Variants in SCN1A observed in about 807,000 individuals in gnomAD.
The protein encoded by SCN1A is sodium voltage-gated channel alpha subunit 1.
In SCN1A, 13 loss-of-function variants were observed where a neutral mutation model predicts 193.7. That is an observed-to-expected ratio of 0.07 (90% CI 0.04 to 0.11). The LOEUF (loss-of-function observed/expected upper bound fraction) is 0.11, where lower values mean the gene tolerates loss of function less well. Ranked by LOEUF, SCN1A falls within the 10% of genes least tolerant of loss-of-function variation. The pLI is 1.00. For synonymous variants in SCN1A, 781 were observed against 843.6 expected, an observed-to-expected ratio of 0.93 and a Z score of 1.29; for missense variants, 1,432 against 2,451.1, an observed-to-expected ratio of 0.58 and a Z score of 8.78.
rs1688718537 is a variant in SCN1A, at chr2:165,988,053, A to G, written c.*3192T>C. On this transcript the variant is annotated 3_prime_UTR_variant, in exon 29 of 29. Coordinates refer to ENST00000674923, the MANE Select transcript of SCN1A (RefSeq NM_001165963.4). The stretch of plus-strand genomic sequence containing the variant: ...CTGTCCCTTTTCTGGTTGAGGCTAT[A>G]TTCCCTCTTCTGGCTTCACCTGATG... 6.6e-6 allele frequency: 1 copy of G among 152,110 alleles called. No individual in the cohort carries two copies. 9.4% of individuals were successfully genotyped at this position (152,110 alleles called of 1,614,324 possible).
At chr2:166,060,222 A>T (rs952103143) in intron 4 of SCN1A, 17 of 152,206 alleles carry the variant, frequency 1.1e-4, no homozygotes, top group African/African-American at 3.9e-4. Flanking sequence ...AAGGAGTATG[A>T]GTCCAGAAAA....
chr2:166,023,034 A>G (rs1386390924), intron 19 of SCN1A, among the ~76,000 whole-genome samples: 1 of 152,236 alleles, frequency 6.6e-6, no homozygotes, highest in Non-Finnish European at 1.5e-5. Flanking sequence ...ACTAGGATGC[A>G]AAATTCTCAA....
At chr2:166,071,273 T>C (rs1208981749) in intron 4 of SCN1A, among the ~76,000 whole-genome samples, 1 of 152,188 alleles carries the variant, frequency 6.6e-6, no homozygotes, top group Non-Finnish European at 1.5e-5. Flanking sequence ...GCTTTTCAGA[T>C]ACATTAATTT....
Position 166,012,111 on chromosome 2 carries a change from C to T in SCN1A, c.3877G>A (p.Asp1293Asn). Residue 1293 changes from aspartate (D) to asparagine (N), a missense_variant and splice_region_variant, in exon 22 of 29, where the codon GAT (aspartate) becomes AAT (asparagine). Transcript: ENST00000674923. ...ACAAAAATATGAACGATACCTACAT[C>T]AACAATTAAGAAGTCCAGCCAACAC... ...AWCWLDFLIV[D>N]VSLVSLTANA... The T allele has an allele frequency of 6.2e-7, 1 of 1,609,426 alleles. No homozygotes were observed. Among genetic ancestry groups the T allele is most frequent in the Non-Finnish European group, 8.5e-7 (1 of 1,176,662 alleles).
At chr2:166,000,138 A>C (rs1379485862) in intron 24 of SCN1A, 2 of 272,708 alleles carry the variant, frequency 7.3e-6, no homozygotes, top group Non-Finnish European at 1.4e-5. Flanking sequence ...TCAGCCAAAT[A>C]ATTACAACTT....
At chr2:166,133,157 C>T (rs1040229667) in intron 1 of SCN1A, among the ~76,000 whole-genome samples, 1 of 152,030 alleles carries the variant, frequency 6.6e-6, no homozygotes, top group African/African-American at 2.4e-5. Context: ...TAATTAAAAG[C>T]AAAAGAGAAA....
chr2:166,099,208 T>C (rs987958957), intron 2 of SCN1A, among the ~76,000 whole-genome samples: 60 of 151,942 alleles, frequency 3.9e-4, no homozygotes, highest in Non-Finnish European at 7.8e-4. Flanking sequence ...TGGTTCAATA[T>C]ACGCAAATCA....
intron 2 of SCN1A, among the ~76,000 whole-genome samples, chr2:166,078,502 ACT>A (rs943081561): frequency 1.4e-4 from 21 of 151,442 alleles, no homozygotes; most frequent in African/African-American, 4.3e-4. Flanking sequence ...GAAAGGGGAA[ACT>A]CTATATTTTT....
chr2:166,029,473 C>A (rs1450072160), intron 19 of SCN1A, among the ~76,000 whole-genome samples: 1 of 152,086 alleles, frequency 6.6e-6, no homozygotes, highest in Non-Finnish European at 1.5e-5. Context: ...ATGGATAGTA[C>A]TCTTCGCAGA....
At chr2:166,067,417 G>A (rs550011121) in intron 4 of SCN1A, among the ~76,000 whole-genome samples, 20 of 152,166 alleles carry the variant, frequency 1.3e-4, no homozygotes, top group African/African-American at 4.8e-4. Context: ...AATGGCATGA[G>A]TAGGAAACAG....
chr2:166,105,869 G>A (rs1470188328), intron 2 of SCN1A, among the ~76,000 whole-genome samples: 1 of 152,220 alleles, frequency 6.6e-6, no homozygotes, highest in Non-Finnish European at 1.5e-5. Flanking sequence ...TGTGGCAACA[G>A]GTATCAGTCT....
At position 166,011,524 on chromosome 2, in the gene SCN1A, T is replaced by C. The variant is rs79513261; in HGVS notation, c.3879+585A>G. 3.4e-3 allele frequency among the ~76,000 whole-genome samples: 514 copies of C among 151,338 alleles called. 5 individuals are homozygous for C. The highest frequency in any genetic ancestry group is 0.027 in the Middle Eastern group (8 of 294). ...CACTGCTGAATAAAGTAGACTTCTC[T>C]TTCCCTACACTCTACATACCTTACT... On this transcript the variant is annotated intron_variant, in intron 22 of 28. Transcript: ENST00000674923.
At chr2:166,057,719 C>T (rs1208669326) in intron 5 of SCN1A, among the ~76,000 whole-genome samples, 3 of 151,464 alleles carry the variant, frequency 2.0e-5, no homozygotes, top group South Asian at 2.1e-4. Flanking sequence ...TTAGAATGGC[C>T]GTTCAAATTT....
chr2:166,145,527 T>TA (rs1692286625), intron 1 of SCN1A, among the ~76,000 whole-genome samples: 1 of 60,800 alleles, frequency 1.6e-5, no homozygotes, highest in Non-Finnish European at 2.9e-5. Flanking sequence ...TGGAGAAAAA[T>TA]TTGTGTGTGT....
intron 2 of SCN1A, among the ~76,000 whole-genome samples, chr2:166,104,669 G>GGAA (rs1229355061): frequency 1.3e-5 from 2 of 152,162 alleles, no homozygotes; most frequent in African/African-American, 4.8e-5. Context: ...CTTGAGCCTG[G>GGAA]GAAGTGGAGG....
At position 166,071,598 on chromosome 2, in the gene SCN1A, A is replaced by AG. The variant is rs1367403131; in HGVS notation, c.264+1759dup. 10 of 149,574 alleles carry AG rather than the reference A, an allele frequency of 6.7e-5. No individual in the cohort carries two copies. The East Asian group carries it at 2.0e-3, about 29-fold the overall frequency. The allele number at this position is 149,574 out of a possible 1,614,324, so 9.3% of individuals were successfully genotyped here. A position where few individuals can be genotyped will look rare whatever the true frequency, so the allele number is the denominator to read the frequency against. Reference sequence around the variant, plus strand: ...GTATAATGTTTAAAAAAAAAAAAAAAGGAAAATACTGGCCGGGCGCAGTGG... The same window carrying AG: ...GTATAATGTTTAAAAAAAAAAAAAAAGGGAAAATACTGGCCGGGCGCAGTGG... On this transcript the variant is annotated intron_variant, in intron 4 of 28. Transcript: ENST00000674923.
At chr2:166,094,047 T>TCACACA (rs36025454) in intron 2 of SCN1A, among the ~76,000 whole-genome samples, 1 of 151,176 alleles carries the variant, frequency 6.6e-6, no homozygotes, top group Non-Finnish European at 1.5e-5. Flanking sequence ...GTCAAATCTT[T>TCACACA]CACACACACA....
intron 2 of SCN1A, among the ~76,000 whole-genome samples, chr2:166,118,299 T>C (rs10930206): frequency 0.85 from 47,741 of 56,352 alleles, 20,693 homozygotes; most frequent in East Asian, 0.94. Context: ...TTCTATTTAG[T>C]TTCTTTTTTT....
In SCN1A at chr2:166,089,811, T is replaced by C. The variant is rs192122783; in HGVS notation, c.-141-12010A>G. Among the ~76,000 whole-genome samples, 558 of 152,262 alleles carry C rather than the reference T, an allele frequency of 3.7e-3. 6 individuals are homozygous for C. The highest frequency in any genetic ancestry group is 0.013 in the African/African-American group (525 of 41,550). ...TGAGAGGAACCAGTGTTGGGTTTTATTTTTCAAACATGGATGATGGTAAAT... is the reference window on the plus strand; with the variant it reads ...TGAGAGGAACCAGTGTTGGGTTTTACTTTTCAAACATGGATGATGGTAAAT... On this transcript the variant is annotated intron_variant, in intron 2 of 28. Transcript: ENST00000674923.
Sources: gnomAD v4.1 joint callset for allele counts (sites outside exome capture counted in the v4.1 genomes callset) on GRCh38, gnomAD v4.1.1 for gene constraint, MANE v1.5 for transcripts, NCBI Gene and HGNC (gene_info 2026-07-23, HGNC 2026-07-21) for gene names.